The following TSPYL2 variants were observed in gnomAD, a reference collection of about 807,000 sequenced individuals.
The protein encoded by TSPYL2 is testis-specific Y-encoded-like protein 2.
TSPYL2 carries 9 observed loss-of-function variants against 33.0 expected under a neutral mutation model. The ratio of observed to expected loss-of-function variants is 0.27; its 90% CI spans 0.16 to 0.48. TSPYL2 has a LOEUF of 0.48. Among genes scored for constraint, TSPYL2 ranks in the 20% least tolerant of loss-of-function variants. TSPYL2 has a pLI of 0.99. For missense variants in TSPYL2, 636 were observed against 586.2 expected, an observed-to-expected ratio of 1.08 and a Z score of -0.88; for synonymous variants, 330 against 233.6, an observed-to-expected ratio of 1.41 and a Z score of -3.77.
rs1932737495 is a variant in TSPYL2, at chrX:53,085,254, C to T, written c.1171C>T (p.Pro391Ser). Residue 391 changes from proline (P) to serine (S), a missense_variant, in exon 5 of 7, where the codon CCT becomes TCT. This residue lies in a region of TSPYL2 where 401 missense variants were observed against 363.0 expected (regional missense o/e 1.10). Transcript: ENST00000375442. The part of the protein sequence containing the change: ...EIIKNDLWVN[P>S]LRYYLRERGS... ...TATCAAGAATGATCTGTGGGTTAAC[C>T]CTCTACGCTACTACCTGAGAGAAAG... The T allele has an allele frequency of 8.3e-7, 1 of 1,207,824 alleles. No homozygotes were observed. Among genetic ancestry groups the T allele is most frequent in the Non-Finnish European group, 1.1e-6 (1 of 894,009 alleles).
rs991662656 is a variant in TSPYL2 at position 53,082,378 on chromosome X, G to T, written c.-121G>T. On this transcript the variant is annotated 5_prime_UTR_variant, in exon 1 of 7. Coordinates refer to ENST00000375442, the MANE Select transcript of TSPYL2 (RefSeq NM_022117.4). Reference sequence around the variant, plus strand: ...TGGGAGGGAACGCCAGAGCGAGGTGGTGAGGAGAGCTGGTTGCGTGAGTCT... The same window carrying T: ...TGGGAGGGAACGCCAGAGCGAGGTGTTGAGGAGAGCTGGTTGCGTGAGTCT... The T allele has an allele frequency of 3.3e-4, 220 of 663,450 alleles. No homozygotes were observed. Among genetic ancestry groups the T allele is most frequent in the Middle Eastern group, 1.5e-3 (3 of 1,937 alleles). The allele number at this position is 663,450 out of a possible 1,213,427, so 54.7% of individuals were successfully genotyped here. A position where few individuals can be genotyped will look rare whatever the true frequency, so the allele number is the denominator to read the frequency against.
rs1341929979 is a variant in TSPYL2 at position 53,087,565 on chromosome X, C to T, written c.1919-211C>T. 1.2e-5 allele frequency: 5 copies of T among 420,060 alleles called. No individual in the cohort carries two copies. The Admixed American group carries it at 1.2e-4, about 10-fold the overall frequency. 34.6% of individuals were successfully genotyped at this position (420,060 alleles called of 1,213,427 possible). ...AGAGGCAGGGATCCCACACTGCCTT[C>T]CTGCCTCCCTCCATCTCCCTCTCAT... On this transcript the variant is annotated intron_variant, in intron 6 of 6. Transcript: ENST00000375442.
chrX:53,084,703 C>G (rs782349311), intron 2 of TSPYL2, 52 bp from the exon 3 acceptor site: 1 of 1,173,138 alleles, frequency 8.5e-7, no homozygotes, highest in African/African-American at 1.8e-5. Context: ...TGGGAAGGGC[C>G]GTGGTGTGTT....
In TSPYL2 at chrX:53,086,056, A is replaced by G; in HGVS notation, c.1664A>G (p.Asn555Ser). 1 of 1,172,179 alleles carries G rather than the reference A, an allele frequency of 8.5e-7. No individual in the cohort carries two copies. Among genetic ancestry groups the G allele is most frequent in the Non-Finnish European group, 1.1e-6 (1 of 875,458 alleles). ...KGGFWGSHGN[N>S]QDSSDSDNEA... The stretch of plus-strand genomic sequence containing the variant: ...GGCTTCTGGGGCAGCCATGGCAACA[A>G]CCAGGACAGCAGCGACAGTGACAAT... The change falls in exon 6 of 7, where the codon AAC becomes AGC. Residue 555 changes from asparagine (N) to serine (S), a missense_variant. By Grantham distance (46) the Asn-to-Ser change is conservative. Around this residue, in one of 3 missense-constraint regions of TSPYL2, gnomAD observed 401 missense variants for 363.0 expected, o/e 1.10. Coordinates refer to ENST00000375442, the MANE Select transcript of TSPYL2 (RefSeq NM_022117.4).
At chrX:53,083,373 C>A in intron 1 of TSPYL2, 68 bp downstream of exon 1, 1 of 1,038,308 alleles carries the variant, frequency 9.6e-7, no homozygotes, top group Non-Finnish European at 1.3e-6. Flanking sequence ...GGGGGAGGGA[C>A]AGAAAAGGTA....
chrX:53,082,548 G>T lies in TSPYL2; in HGVS notation c.50G>T (p.Ser17Ile). 2 of 1,157,479 alleles carry T rather than the reference G, an allele frequency of 1.7e-6. No individual in the cohort carries two copies. ...CCGGCCAAGACCCGCCGCCTGAGCA[G>T]CTCCGAGTCTCCACAGCGCGACCCG... ...GPPAKTRRLSSSESPQRDPPP... is the reference protein window; with the variant it reads ...GPPAKTRRLSISESPQRDPPP... Residue 17 changes from serine to isoleucine, a missense_variant, in exon 1 of 7, where the codon AGC becomes ATC. Around this residue, in one of 3 missense-constraint regions of TSPYL2, gnomAD observed 231 missense variants for 201.6 expected, o/e 1.15. Transcript: ENST00000375442.
Position 53,082,701 on chromosome X carries a change from C to T in TSPYL2, c.203C>T (p.Pro68Leu). 4 of 1,142,757 alleles carry T rather than the reference C, an allele frequency of 3.5e-6. No homozygotes were observed. Among genetic ancestry groups the T allele is most frequent in the East Asian group, 3.2e-5 (1 of 31,549 alleles). The allele number at this position is 1,142,757 out of a possible 1,213,427, so 94.2% of individuals were successfully genotyped here. The change falls in exon 1 of 7, where the codon CCC (proline) becomes CTC (leucine). Residue 68 changes from proline (P) to leucine (L), a missense_variant. By Grantham distance (98) the Pro-to-Leu change is moderately conservative (BLOSUM62 -3). Around this residue, in one of 3 missense-constraint regions of TSPYL2, gnomAD observed 231 missense variants for 201.6 expected, o/e 1.15. Transcript: ENST00000375442. Reference protein sequence around the residue: ...LADMRGVGLGPALPPPPPYVI... With the variant: ...LADMRGVGLGLALPPPPPYVI... ...GATATGAGGGGGGTGGGACTGGGCC[C>T]CGCGCTGCCCCCGCCGCCTCCCTAT...
rs1556807124 is a variant in TSPYL2 at position 53,082,518 on chromosome X, G to A, written c.20G>A (p.Gly7Glu). 1.7e-6 allele frequency: 2 copies of A among 1,160,175 alleles called. No individual in the cohort carries two copies. The highest frequency in any genetic ancestry group is 1.9e-5 in the South Asian group (1 of 52,730). The change falls in exon 1 of 7, where the codon GGG (glycine) becomes GAG (glutamate). Residue 7 changes from glycine (G) to glutamate (E), a missense_variant. Gly to Glu is a moderately conservative substitution (Grantham distance 98, BLOSUM62 -2). Around this residue, in one of 3 missense-constraint regions of TSPYL2, gnomAD observed 231 missense variants for 201.6 expected, o/e 1.15. Coordinates refer to ENST00000375442, the MANE Select transcript of TSPYL2 (RefSeq NM_022117.4). MDRPDE[G>E]PPAKTRRLSS... Reference sequence around the variant, plus strand: ...GTCGCCATGGACCGCCCAGATGAGGGGCCTCCGGCCAAGACCCGCCGCCTG... The same window carrying A: ...GTCGCCATGGACCGCCCAGATGAGGAGCCTCCGGCCAAGACCCGCCGCCTG...
At chrX:53,084,472 T>G (rs1323053243) in intron 1 of TSPYL2, 73 bp from the exon 2 acceptor site, 1 of 910,654 alleles carries the variant, frequency 1.1e-6, no homozygotes, top group Non-Finnish European at 1.5e-6. Context: ...TCTCTTACTG[T>G]GCCCTTCCTG....
In TSPYL2 at chrX:53,085,853, C is replaced by T. The variant is rs782088223; in HGVS notation, c.1461C>T (p.Val487=). The stretch of plus-strand genomic sequence containing the variant: ...GCGAGAATCCTGACCACAATGAGGT[C>T]CCCAACAACGAGACCACTGATAACA... The part of the protein sequence containing the change: ...CDSENPDHNE[V]PNNETTDNNE... The change falls in exon 6 of 7, where the codon GTC becomes GTT. Residue 487 remains valine (V), a synonymous_variant. Coordinates refer to ENST00000375442, the MANE Select transcript of TSPYL2 (RefSeq NM_022117.4). The T allele has an allele frequency of 1.7e-6, 2 of 1,211,099 alleles. No individual in the cohort carries two copies. Among genetic ancestry groups the T allele is most frequent in the Non-Finnish European group, 1.1e-6 (1 of 895,327 alleles).
At chrX:53,086,814 A>G (rs1242576916) in intron 6 of TSPYL2, 2 of 140,347 alleles carry the variant, frequency 1.4e-5, no homozygotes, top group East Asian at 3.7e-4. Context: ...GTGACATTTG[A>G]ACTGGAGGAT....
At chrX:53,085,173 G>A (rs1320719734) in intron 4 of TSPYL2, 54 bp from the exon 5 acceptor site, 51 of 1,181,608 alleles carry the variant, frequency 4.3e-5, no homozygotes, top group Non-Finnish European at 2.4e-5. Context: ...ATTAAGAGGA[G>A]GATCTGGAGC....
In TSPYL2 at chrX:53,085,006, C is replaced by T. The variant is rs782658467; in HGVS notation, c.1050C>T (p.Pro350=). Residue 350 remains proline, a synonymous_variant, in exon 4 of 7, where the codon CCC becomes CCT. Coordinates refer to ENST00000375442, the MANE Select transcript of TSPYL2 (RefSeq NM_022117.4). ...TCCGCTGGCACCGGGGCCAGGAACC[C>T]CAGGCCCGTCGTCACGGGAACCAGG... ...TPIRWHRGQE[P]QARRHGNQDA... The T allele has an allele frequency of 8.3e-7, 1 of 1,211,675 alleles. No individual in the cohort carries two copies. The highest frequency in any genetic ancestry group is 1.8e-5 in the South Asian group (1 of 56,998).
intron 6 of TSPYL2, 167 bp downstream of exon 6, chrX:53,086,477 A>G: frequency 2.0e-6 from 1 of 490,020 alleles, no homozygotes; most frequent in Non-Finnish European, 3.5e-6. Flanking sequence ...ATTTAACTTA[A>G]AAATGTAACA....
chrX:53,085,932 A>G lies in TSPYL2; in HGVS notation c.1540A>G (p.Asn514Asp), dbSNP rs1351587070. 9 of 1,207,703 alleles carry G rather than the reference A, an allele frequency of 7.5e-6. No homozygotes were observed. Among genetic ancestry groups the G allele is most frequent in the Non-Finnish European group, 1.0e-5 (9 of 894,075 alleles). ...TGACAACAATGAGAGTGCAGATGAC[A>G]ACAACGAGAATCCTGAAGACAATAA... ...TTDNNESADD[N>D]NENPEDNNKN... The change falls in exon 6 of 7, where the codon AAC becomes GAC. Residue 514 changes from asparagine (N) to aspartate (D), a missense_variant. Physicochemically the swap from Asn to Asp is conservative, Grantham distance 23. Around this residue, in one of 3 missense-constraint regions of TSPYL2, gnomAD observed 401 missense variants for 363.0 expected, o/e 1.10. Transcript: ENST00000375442.
chrX:53,087,620 A>G (rs1439904320), intron 6 of TSPYL2, 156 bp from the exon 7 acceptor site: 2 of 511,426 alleles, frequency 3.9e-6, no homozygotes, highest in East Asian at 3.7e-5. Context: ...ACACCCACAC[A>G]CACTCTTGGC....
At chrX:53,086,428 A>G in intron 6 of TSPYL2, 118 bp downstream of exon 6, 1 of 698,671 alleles carries the variant, frequency 1.4e-6, no homozygotes, top group Non-Finnish European at 2.2e-6. Context: ...AAGAAAAAGC[A>G]TTCTGAGCAA....
At chrX:53,085,394 G>A (rs782570150) in intron 5 of TSPYL2, 73 bp downstream of exon 5, 2 of 945,961 alleles carry the variant, frequency 2.1e-6, no homozygotes, top group Non-Finnish European at 2.9e-6. Flanking sequence ...CAGGATTTAT[G>A]GAGCCAAAAA....
chrX:53,082,402 C>G lies in TSPYL2; in HGVS notation c.-97C>G, dbSNP rs377186530. On this transcript the variant is annotated 5_prime_UTR_variant, in exon 1 of 7. Transcript: ENST00000375442. ...GGTGAGGAGAGCTGGTTGCGTGAGT[C>G]TCCTCAGCTCTGCTTACCGGTGCGA... The G allele has an allele frequency of 1.2e-6, 1 of 854,237 alleles. No individual in the cohort carries two copies. The highest frequency in any genetic ancestry group is 2.7e-5 in the South Asian group (1 of 36,970). The allele number at this position is 854,237 out of a possible 1,213,427, so 70.4% of individuals were successfully genotyped here.
Sources: gnomAD v4.1 joint callset for allele counts on GRCh38, gnomAD v4.1.1 for gene constraint, gnomAD v4.1.1 regional missense constraint, MANE v1.5 for transcripts, NCBI Gene and HGNC (gene_info 2026-07-23, HGNC 2026-07-21) for gene names.